The following C7 variants were observed in gnomAD, a reference collection of about 807,000 sequenced individuals.
The protein encoded by C7 is complement component C7.
Under a neutral mutation model 104.8 loss-of-function variants are expected in C7, and 83 were observed. The ratio of observed to expected loss-of-function variants is 0.79; its 90% CI spans 0.66 to 0.95. The LOEUF is 0.95. Ranked by LOEUF, C7 falls within the 40% of genes least tolerant of loss-of-function variation. The pLI is 0.00. For synonymous variants in C7, 415 were observed against 360.6 expected, an observed-to-expected ratio of 1.15 and a Z score of -1.71; for missense variants, 1,070 against 1,011.2, an observed-to-expected ratio of 1.06 and a Z score of -0.79.
chr5:40,945,521 C>G (rs1270186435), intron 7 of C7, among the ~76,000 whole-genome samples, 153 bp downstream of exon 7: 3 of 152,032 alleles, frequency 2.0e-5, no homozygotes, highest in African/African-American at 7.2e-5. Flanking sequence ...ATATCTTTCT[C>G]TAAAAGGTAC....
At chr5:40,944,297 A>G (rs1262056706) in intron 6 of C7, among the ~76,000 whole-genome samples, 2 of 152,232 alleles carry the variant, frequency 1.3e-5, no homozygotes, top group African/African-American at 4.8e-5. Flanking sequence ...CATTTTTAGC[A>G]AATTAGTTGT....
At chr5:40,979,625 C>G in intron 16 of C7, 100 bp from the exon 17 acceptor site, 1 of 775,354 alleles carries the variant, frequency 1.3e-6, no homozygotes, top group Non-Finnish European at 1.9e-6. Context: ...TGGGTGATAA[C>G]ATCTGGGGGC....
Position 40,976,797 on chromosome 5 carries a change from C to G in C7, c.2122C>G (p.Leu708Val). 1.1e-5 allele frequency: 17 copies of G among 1,607,552 alleles called. No homozygotes were observed. The highest frequency in any genetic ancestry group is 1.4e-5 in the Non-Finnish European group (16 of 1,176,782). The change falls in exon 16 of 18, where the codon CTG becomes GTG. Residue 708 changes from leucine to valine, a missense_variant. Transcript: ENST00000313164. ...GCCTAAATGTCAGCGCTGGGAGAAA[C>G]TGCAGAATTCAAGATGTGTTTGTAA... ...AVPKCQRWEK[L>V]QNSRCVCKMP...
Position 40,964,641 on chromosome 5 carries a change from C to T in C7, c.1750-100C>T. 2.9e-6 allele frequency: 3 copies of T among 1,022,744 alleles called. No homozygotes were observed. The South Asian group carries it at 4.7e-5, about 16-fold the overall frequency. The allele number at this position is 1,022,744 out of a possible 1,614,324, so 63.4% of individuals were successfully genotyped here. Reference sequence around the variant, plus strand: ...TTCTGAATCAATTAAATGTAGCTTGCCTGATGATTATGATTTATAGACTGA... The same window carrying T: ...TTCTGAATCAATTAAATGTAGCTTGTCTGATGATTATGATTTATAGACTGA... On this transcript the variant is annotated intron_variant, in intron 13 of 17. Transcript: ENST00000313164.
chr5:40,958,998 G>A (rs1740363896), intron 11 of C7, among the ~76,000 whole-genome samples: 1 of 152,060 alleles, frequency 6.6e-6, no homozygotes, highest in African/African-American at 2.4e-5. Context: ...ATCCCTAAAT[G>A]TCTCTCCAAG....
chr5:40,955,304 T>C, intron 9 of C7, 83 bp from the exon 10 acceptor site: 2 of 1,406,774 alleles, frequency 1.4e-6, no homozygotes, highest in Non-Finnish European at 2.0e-6. Context: ...ATAGTTTGGC[T>C]TTTTCCAGGA....
chr5:40,929,287 G>A (rs751774129), intron 2 of C7, among the ~76,000 whole-genome samples: 1 of 152,150 alleles, frequency 6.6e-6, no homozygotes, highest in African/African-American at 2.4e-5. Context: ...TGCTCAGGGT[G>A]ATGTGAGAGC....
At chr5:40,966,679 A>G (rs1214017717) in intron 14 of C7, among the ~76,000 whole-genome samples, 3 of 152,012 alleles carry the variant, frequency 2.0e-5, no homozygotes, top group Non-Finnish European at 2.9e-5. Context: ...GCCTGGCACA[A>G]TATTTGGTTT....
chr5:40,956,379 T>C, intron 10 of C7, among the ~76,000 whole-genome samples: 1 of 152,182 alleles, frequency 6.6e-6, no homozygotes, highest in Non-Finnish European at 1.5e-5. Context: ...TAGTTTATAA[T>C]GCAGGAAATG....
At chr5:40,923,925 A>G (rs1739496417) in intron 1 of C7, among the ~76,000 whole-genome samples, 1 of 137,340 alleles carries the variant, frequency 7.3e-6, no homozygotes, top group Non-Finnish European at 1.6e-5. Flanking sequence ...TCAACATGAG[A>G]TTTGAAAGGG....
At chr5:40,934,229 C>G in intron 3 of C7, 96 bp from the exon 4 acceptor site, 2 of 1,255,198 alleles carry the variant, frequency 1.6e-6, no homozygotes, top group South Asian at 2.3e-5. Context: ...AATTGTATTA[C>G]TTTTTCTCAG....
rs1378330251 is a variant in C7, at chr5:40,952,680, T to A, written c.1093+2666T>A. Among the ~76,000 whole-genome samples the A allele has an allele frequency of 2.6e-5, 4 of 152,018 alleles. No homozygotes were observed. The East Asian group carries it at 7.8e-4, about 30-fold the overall frequency. On this transcript the variant is annotated intron_variant, in intron 9 of 17. Transcript: ENST00000313164. ...CCACTACAGGCCCCGGTGTGTGATG[T>A]TCCCCTTCCTGTGTCCAAGTGTTCT...
intron 10 of C7, among the ~76,000 whole-genome samples, chr5:40,957,770 T>TG (rs1368963878): frequency 9.5e-6 from 1 of 104,944 alleles, no homozygotes; most frequent in Non-Finnish European, 2.4e-5. Flanking sequence ...TTTTTTTTGT[T>TG]TTTTTTTTTT....
At chr5:40,945,855 C>A (rs1740034251) in intron 7 of C7, among the ~76,000 whole-genome samples, 1 of 138,140 alleles carries the variant, frequency 7.2e-6, no homozygotes, top group Non-Finnish European at 1.5e-5. Flanking sequence ...CAGAGTGAGA[C>A]CCTGTCTCAA....
chr5:40,917,338 T>C (rs1739339875), intron 1 of C7, among the ~76,000 whole-genome samples: 1 of 152,162 alleles, frequency 6.6e-6, no homozygotes, highest in African/African-American at 2.4e-5. Flanking sequence ...CATTTTTAGA[T>C]TCCAAATATA....
intron 1 of C7, among the ~76,000 whole-genome samples, chr5:40,917,142 A>G (rs1324863789): frequency 6.6e-6 from 1 of 151,920 alleles, no homozygotes; most frequent in East Asian, 1.9e-4. Flanking sequence ...CTCAAAAAAA[A>G]AAAAAAGAAA....
At position 40,962,141 on chromosome 5, in the gene C7, C is replaced by T. The variant is rs1561254357; in HGVS notation, c.1718C>T (p.Ser573Leu). 6.4e-7 allele frequency: 1 copy of T among 1,570,962 alleles called. No homozygotes were observed. The highest frequency in any genetic ancestry group is 2.3e-5 in the East Asian group (1 of 44,188). The change falls in exon 13 of 18, where the codon TCA becomes TTA. Residue 573 changes from serine (S) to leucine (L), a missense_variant. Ser to Leu is a moderately radical substitution (Grantham distance 145). Transcript: ENST00000313164. ...LSLVPTEFCPSPPALKDGFVQ... is the reference protein window; with the variant it reads ...LSLVPTEFCPLPPALKDGFVQ... ...TTGGTTCCAACAGAATTCTGTCCATCACCTCCTGCCTTGAAAGATGGATTT... is the reference window on the plus strand; with the variant it reads ...TTGGTTCCAACAGAATTCTGTCCATTACCTCCTGCCTTGAAAGATGGATTT...
At chr5:40,958,293 G>T (rs766152395) in intron 11 of C7, 32 bp downstream of exon 11, 1 of 1,370,974 alleles carries the variant, frequency 7.3e-7, no homozygotes, top group South Asian at 1.5e-5. Flanking sequence ...TAGCCACCCT[G>T]TACACATTGA....
intron 14 of C7, among the ~76,000 whole-genome samples, chr5:40,971,598 C>T (rs1358836592): frequency 1.3e-5 from 2 of 152,078 alleles, no homozygotes; most frequent in Admixed American, 6.6e-5. Flanking sequence ...TAATTAGATC[C>T]CATTTGTCAA....
Sources: allele counts gnomAD v4.1 joint callset (sites outside exome capture counted in the v4.1 genomes callset), GRCh38; gene constraint gnomAD v4.1.1; transcripts MANE v1.5; gene names NCBI Gene and HGNC (gene_info 2026-07-23, HGNC 2026-07-21).